Variants in ACE observed in about 807,000 individuals in gnomAD.
ACE encodes the protein angiotensin-converting enzyme.
A neutral mutation model predicts 162.3 loss-of-function variants in ACE; 122 were observed. The ratio of observed to expected loss-of-function variants is 0.75; its 90% CI spans 0.65 to 0.87. ACE has a LOEUF of 0.87. Ranked by LOEUF, ACE falls within the 40% of genes least tolerant of loss-of-function variation. ACE has a pLI of 0.00. For synonymous variants in ACE, 796 were observed against 720.6 expected, an observed-to-expected ratio of 1.10 and a Z score of -1.68; for missense variants, 1,799 against 1,735.1, an observed-to-expected ratio of 1.04 and a Z score of -0.65.
chr17:63,490,548 C>G (rs754843495), intron 17 of ACE: 1 of 265,760 alleles, frequency 3.8e-6, no homozygotes, highest in Non-Finnish European at 7.4e-6. Context: ...GGAATCGTGA[C>G]AGTACCTGGG....
intron 7 of ACE, 51 bp downstream of exon 7, chr17:63,481,789 G>C (rs951584814): frequency 1.2e-6 from 2 of 1,611,852 alleles, no homozygotes; most frequent in African/African-American, 2.7e-5. Flanking sequence ...CTGGGGCCCG[G>C]GGAAAGGCAG....
At chr17:63,495,456 C>T (rs1163016612) in intron 22 of ACE, among the ~76,000 whole-genome samples, 2 of 152,204 alleles carry the variant, frequency 1.3e-5, no homozygotes, top group Non-Finnish European at 2.9e-5. Context: ...ACCTTGCCTC[C>T]TGGCACCTGG....
chr17:63,478,182 G>C, intron 2 of ACE, 84 bp downstream of exon 2: 2 of 1,511,870 alleles, frequency 1.3e-6, no homozygotes, highest in Admixed American at 4.0e-5. Context: ...CCATCAGGGA[G>C]GGAGGAACCC....
rs921375849 is a variant in ACE at position 63,486,874 on chromosome 17, C to T, written c.2218-112C>T. 93 of 1,449,612 alleles carry T rather than the reference C, an allele frequency of 6.4e-5. 2 individuals are homozygous for T. The highest frequency in any genetic ancestry group is 3.3e-5 in the Non-Finnish European group (34 of 1,032,758). The allele number at this position is 1,449,612 out of a possible 1,614,324, so 89.8% of individuals were successfully genotyped here. A position where few individuals can be genotyped will look rare whatever the true frequency, so the allele number is the denominator to read the frequency against. Reference sequence around the variant, plus strand: ...TCAGAACTGCTGAGAGGGCAGCGCTCCCCAGCTCCCTGGCTCCCCACCTGC... The same window carrying T: ...TCAGAACTGCTGAGAGGGCAGCGCTTCCCAGCTCCCTGGCTCCCCACCTGC... On this transcript the variant is annotated intron_variant, in intron 14 of 24. Transcript: ENST00000290866.
chr17:63,488,668 A>G lies in ACE; in HGVS notation c.2326A>G (p.Thr776Ala), dbSNP rs199869667. The G allele has an allele frequency of 4.8e-5, 77 of 1,613,240 alleles. No homozygotes were observed. The highest frequency in any genetic ancestry group is 6.4e-5 in the Non-Finnish European group (75 of 1,179,906). ...LEPDLTNVMA[T>A]SRKYEDLLWA... ...ACCAGATCTGACGAATGTGATGGCC[A>G]CGTCCCGGAAATATGAAGACCTGTT... is the stretch of plus-strand genomic sequence containing the variant. Residue 776 changes from threonine to alanine, a missense_variant, in exon 16 of 25, where the codon ACG becomes GCG. Thr to Ala is a moderately conservative substitution (Grantham distance 58, BLOSUM62 0). Coordinates refer to ENST00000290866, the MANE Select transcript of ACE (RefSeq NM_000789.4).
At position 63,487,008 on chromosome 17, in the gene ACE, T is replaced by C. The variant is rs2029994732; in HGVS notation, c.2240T>C (p.Met747Thr). Residue 747 changes from methionine (M) to threonine (T), a missense_variant, in exon 15 of 25, where the codon ATG (methionine) becomes ACG (threonine). Met to Thr is a moderately conservative substitution (Grantham distance 81). Coordinates refer to ENST00000290866, the MANE Select transcript of ACE (RefSeq NM_000789.4). ...LEEYNKILLD[M>T]ETTYSVATVC... ...CAGTACAACAAGATCCTGTTGGATA[T>C]GGAAACCACCTACAGCGTGGCCACT... 4 of 1,613,870 alleles carry C rather than the reference T, an allele frequency of 2.5e-6. No individual in the cohort carries two copies. In the East Asian group the frequency reaches 6.7e-5, roughly 27 times the overall value.
chr17:63,481,698 C>CACG lies in ACE; in HGVS notation c.1079_1081dup (p.His360_Ala361insAsp), dbSNP rs1568037588. 1 of 1,614,210 alleles carries CACG rather than the reference C, an allele frequency of 6.2e-7. No individual in the cohort carries two copies. The highest frequency in any genetic ancestry group is 1.7e-5 in the Admixed American group (1 of 60,024). Reference sequence around the variant, plus strand: ...GGCCGACGGGCGGGAAGTGGTGTGCCACGCCTCGGCTTGGGACTTCTACAA... The same window carrying CACG: ...GGCCGACGGGCGGGAAGTGGTGTGCCACGACGCCTCGGCTTGGGACTTCTACAA... On this transcript the variant is annotated inframe_insertion, in exon 7 of 25. Transcript: ENST00000290866.
rs2049633853 is a variant in ACE, at chr17:63,477,340, C to T, written c.246C>T (p.Arg82=). The T allele has an allele frequency of 7.7e-7, 1 of 1,304,616 alleles. No homozygotes were observed. Among genetic ancestry groups the T allele is most frequent in the Non-Finnish European group, 9.8e-7 (1 of 1,015,622 alleles). The allele number at this position is 1,304,616 out of a possible 1,614,324, so 80.8% of individuals were successfully genotyped here. ...DTNITAENAR[R]QEEAALLSQE... ...ACATCACCGCGGAGAATGCAAGGCGCCAGGTGGGCGCCCGGGCCCGGGCGG... is the reference window on the plus strand; with the variant it reads ...ACATCACCGCGGAGAATGCAAGGCGTCAGGTGGGCGCCCGGGCCCGGGCGG... Residue 82 remains arginine (R), a synonymous_variant, in exon 1 of 25, where the codon CGC becomes CGT. Transcript: ENST00000290866.
rs758933315 is a variant in ACE at position 63,483,133 on chromosome 17, AC to A, written c.1454del (p.Pro485LeufsTer40). 1 of 1,612,914 alleles carries A rather than the reference AC, an allele frequency of 6.2e-7. No homozygotes were observed. Among genetic ancestry groups the A allele is most frequent in the African/African-American group, 1.3e-5 (1 of 74,730 alleles). On this transcript the variant is annotated frameshift_variant, in exon 9 of 25. Coordinates refer to ENST00000290866, the MANE Select transcript of ACE (RefSeq NM_000789.4). LOFTEE classifies it high-confidence loss of function. ...QWRWGVFSGR[T>X]PPSRYNFDWW... ...GCGCTGGGGGGTCTTTAGTGGGCGTACCCCCCCTTCCCGCTACAACTTCGAC... is the reference window on the plus strand; with the variant it reads ...GCGCTGGGGGGTCTTTAGTGGGCGTACCCCCCTTCCCGCTACAACTTCGAC...
intron 2 of ACE, chr17:63,478,770 C>G: frequency 1.7e-6 from 1 of 594,998 alleles, no homozygotes; most frequent in Non-Finnish European, 3.1e-6. Flanking sequence ...GGGACTTGAC[C>G]CTGACCCTGA....
chr17:63,486,220 A>C (rs2029923947), intron 13 of ACE: 12 of 385,882 alleles, frequency 3.1e-5, no homozygotes, highest in South Asian at 1.7e-4. Flanking sequence ...CCCATTTTAC[A>C]GATGGGATTT....
In ACE at chr17:63,478,084, G is replaced by A. The variant is rs752416873; in HGVS notation, c.403G>A (p.Ala135Thr). 14 of 1,587,874 alleles carry A rather than the reference G, an allele frequency of 8.8e-6. No homozygotes were observed. The highest frequency in any genetic ancestry group is 1.7e-4 in the Middle Eastern group (1 of 5,992). ...CCTGGGCTCTGCCAACCTGCCCCTG[G>A]CTAAGCGGCAGCAGGTGGGCTGAGG... ...RTLGSANLPL[A>T]KRQQYNALLS... is the part of the protein sequence containing the mutation. The change falls in exon 2 of 25, where the codon GCT (alanine) becomes ACT (threonine). Residue 135 changes from alanine to threonine, a missense_variant. Coordinates refer to ENST00000290866, the MANE Select transcript of ACE (RefSeq NM_000789.4).
chr17:63,482,123 C>T (rs1485797638), intron 7 of ACE, among the ~76,000 whole-genome samples: 2 of 151,946 alleles, frequency 1.3e-5, no homozygotes, highest in Non-Finnish European at 2.9e-5. Context: ...ATGGCGAAAC[C>T]CCGTCTCTAC....
In ACE at chr17:63,484,755, G is replaced by T; in HGVS notation, c.1921+214G>T. ...CTAGAGAGGGTGTGCTCAGACCTGAGGGCCCCTCCCCTTCCAGAGGAAGCC... is the reference window on the plus strand; with the variant it reads ...CTAGAGAGGGTGTGCTCAGACCTGATGGCCCCTCCCCTTCCAGAGGAAGCC... On this transcript the variant is annotated intron_variant, in intron 12 of 24. Transcript: ENST00000290866. The surrounding 1 kb of genome is among the most constrained non-coding windows in gnomAD (Gnocchi z 4.0). 6.8e-7 allele frequency: 1 copy of T among 1,469,460 alleles called. No individual in the cohort carries two copies. The highest frequency in any genetic ancestry group is 9.0e-7 in the Non-Finnish European group (1 of 1,113,100). 91.0% of individuals were successfully genotyped at this position (1,469,460 alleles called of 1,614,324 possible).
intron 21 of ACE, 130 bp downstream of exon 21, chr17:63,494,196 T>C: frequency 7.3e-7 from 1 of 1,360,640 alleles, no homozygotes; most frequent in Non-Finnish European, 1.0e-6. Flanking sequence ...GTGCATATGA[T>C]GTGTGTGGTG....
intron 8 of ACE, 47 bp downstream of exon 8, chr17:63,482,736 C>T: frequency 6.4e-7 from 1 of 1,571,484 alleles, no homozygotes; most frequent in Non-Finnish European, 8.7e-7. Context: ...CTAAACCCCG[C>T]TCCACCCCAC....
In ACE at chr17:63,483,663, C is replaced by T. The variant is rs182675474; in HGVS notation, c.1586+105C>T. 1.0e-3 allele frequency: 1,401 copies of T among 1,381,124 alleles called. 2 individuals carry two copies. Among genetic ancestry groups the T allele is most frequent in the Middle Eastern group, 3.1e-3 (14 of 4,504 alleles). The allele number at this position is 1,381,124 out of a possible 1,614,324, so 85.6% of individuals were successfully genotyped here. A position where few individuals can be genotyped will look rare whatever the true frequency, so the allele number is the denominator to read the frequency against. ...CATCCCCAGGGCTTGTCCCCATGCT[C>T]CTCCAGACCTCAAAGGCCTGGAGTT... On this transcript the variant is annotated intron_variant, in intron 10 of 24. Coordinates refer to ENST00000290866, the MANE Select transcript of ACE (RefSeq NM_000789.4).
In ACE at chr17:63,497,457, C is replaced by A; in HGVS notation, c.*91C>A. 8.7e-7 allele frequency: 1 copy of A among 1,151,112 alleles called. No individual in the cohort carries two copies. The highest frequency in any genetic ancestry group is 1.3e-6 in the Non-Finnish European group (1 of 794,056). 71.3% of individuals were successfully genotyped at this position (1,151,112 alleles called of 1,614,324 possible). A position where few individuals can be genotyped will look rare whatever the true frequency, so the allele number is the denominator to read the frequency against. ...GGGCAGCTGAGGACACACCCCACAC[C>A]CCAGCCCACCCTGCTCCTCCTGCCC... On this transcript the variant is annotated 3_prime_UTR_variant, in exon 25 of 25. Transcript: ENST00000290866.
In ACE at chr17:63,477,152, T is replaced by C. The variant is rs1599136269; in HGVS notation, c.58T>C (p.Leu20=). Residue 20 remains leucine, a synonymous_variant, in exon 1 of 25, where the codon TTG becomes CTG. Coordinates refer to ENST00000290866, the MANE Select transcript of ACE (RefSeq NM_000789.4). ...GCTGCTGCTGCCGCTGCCGCTGCTG[T>C]TGCTGCTGCCGCCGCAGCCCGCCCT... ...PGLLLPLPLL[L]LLPPQPALAL... is the part of the protein sequence containing the mutation. 1.4e-6 allele frequency: 2 copies of C among 1,440,924 alleles called. No homozygotes were observed. The highest frequency in any genetic ancestry group is 1.8e-6 in the Non-Finnish European group (2 of 1,097,694). 89.3% of individuals were successfully genotyped at this position (1,440,924 alleles called of 1,614,324 possible).
Sources: allele counts gnomAD v4.1 joint callset (sites outside exome capture counted in the v4.1 genomes callset), GRCh38; gene constraint gnomAD v4.1.1; non-coding constraint Gnocchi (gnomAD v3.1); transcripts MANE v1.5; gene names NCBI Gene and HGNC (gene_info 2026-07-23, HGNC 2026-07-21).